CPT2: variants seen among roughly 807,000 people sequenced by gnomAD.
CPT2 encodes carnitine O-palmitoyltransferase 2, mitochondrial.
A neutral mutation model predicts 48.6 loss-of-function variants in CPT2; 37 were observed. The ratio of observed to expected loss-of-function variants is 0.76; its 90% CI spans 0.59 to 1.00. CPT2 has a LOEUF of 1.00. Among genes scored for constraint, CPT2 ranks in the 50% least tolerant of loss-of-function variants. The pLI, the probability that CPT2 is intolerant of heterozygous loss-of-function variation, is 0.00. For missense variants in CPT2, 772 were observed against 825.6 expected (o/e 0.94, Z 0.80); for synonymous variants, 319 against 326.9 (o/e 0.98, Z 0.26).
rs985990356 is a variant in CPT2 at position 53,209,358 on chromosome 1, T to TA, written c.341-645dup. The TA allele has an allele frequency of 5.4e-3, 775 of 143,056 alleles. 6 individuals are homozygous for TA. The highest frequency in any genetic ancestry group is 0.016 in the African/African-American group (620 of 38,638). The allele number at this position is 143,056 out of a possible 1,614,324, so 8.9% of individuals were successfully genotyped here. A position where few individuals can be genotyped will look rare whatever the true frequency, so the allele number is the denominator to read the frequency against. On this transcript the variant is annotated intron_variant, in intron 3 of 4. Coordinates refer to ENST00000371486, the MANE Select transcript of CPT2 (RefSeq NM_000098.3). Reference sequence around the variant, plus strand: ...TGGATGATAGAAATCCTGTGTCTCTTAAAAAAAAAAAAGGCAATGTAATTC... The same window carrying TA: ...TGGATGATAGAAATCCTGTGTCTCTTAAAAAAAAAAAAAGGCAATGTAATTC...
intron 3 of CPT2, 55 bp downstream of exon 3, chr1:53,202,484 G>A: frequency 7.2e-7 from 1 of 1,382,560 alleles, no homozygotes; most frequent in South Asian, 1.2e-5. Context: ...ATAATGAAAA[G>A]TAAGGCATAT....
At position 53,197,001 on chromosome 1, in the gene CPT2, G is replaced by T. The variant is rs1454666206; in HGVS notation, c.58G>T (p.Ala20Ser). ...CCGGGGCCCCGCGGTTGGTCCGGGA[G>T]CCCCCAGTCGGCCCCTCAGCGCCGG... Reference protein sequence around the residue: ...WPRGPAVGPGAPSRPLSAGSG... With the variant: ...WPRGPAVGPGSPSRPLSAGSG... The change falls in exon 1 of 5, where the codon GCC becomes TCC. Residue 20 changes from alanine to serine, a missense_variant. Ala to Ser is a moderately conservative substitution (Grantham distance 99, BLOSUM62 1). Coordinates refer to ENST00000371486, the MANE Select transcript of CPT2 (RefSeq NM_000098.3). The T allele has an allele frequency of 6.5e-7, 1 of 1,532,384 alleles. No individual in the cohort carries two copies. The highest frequency in any genetic ancestry group is 2.0e-5 in the Admixed American group (1 of 50,738). The allele number at this position is 1,532,384 out of a possible 1,614,324, so 94.9% of individuals were successfully genotyped here. A position where few individuals can be genotyped will look rare whatever the true frequency, so the allele number is the denominator to read the frequency against.
chr1:53,203,567 A>C (rs1191040523), intron 3 of CPT2: 1 of 152,200 alleles, frequency 6.6e-6, no homozygotes, highest in Non-Finnish European at 1.5e-5. Context: ...ACATGAAAGC[A>C]GATTGGACAT....
In CPT2 at chr1:53,210,515, A is replaced by G; in HGVS notation, c.841A>G (p.Ser281Gly). Residue 281 changes from serine (S) to glycine (G), a missense_variant, in exon 4 of 5, where the codon AGC becomes GGC. By Grantham distance (56) the Ser-to-Gly change is moderately conservative. Coordinates refer to ENST00000371486, the MANE Select transcript of CPT2 (RefSeq NM_000098.3). ...TCTGAAGTACATTCTCTCAGACAGC[A>G]GCCCCGCCCCCGAGTTTCCCCTGGC... ...AHLKYILSDSSPAPEFPLAYL... is the reference protein window; with the variant it reads ...AHLKYILSDSGPAPEFPLAYL... 6.2e-7 allele frequency: 1 copy of G among 1,614,124 alleles called. No individual in the cohort carries two copies. Among genetic ancestry groups the G allele is most frequent in the Non-Finnish European group, 8.5e-7 (1 of 1,180,030 alleles).
chr1:53,205,758 G>C, intron 3 of CPT2, among the ~76,000 whole-genome samples: 1 of 152,234 alleles, frequency 6.6e-6, no homozygotes, highest in South Asian at 2.1e-4. Flanking sequence ...AGGCACTCCA[G>C]CTCCAGCCAT....
At position 53,210,906 on chromosome 1, in the gene CPT2, C is replaced by T. The variant is rs375957043; in HGVS notation, c.1232C>T (p.Thr411Met). ...SQPATTDSTV[T>M]VQKLNFELTD... Reference sequence around the variant, plus strand: ...CCAGCTACCACTGACTCTACTGTCACGGTGCAGAAACTCAACTTCGAGCTG... The same window carrying T: ...CCAGCTACCACTGACTCTACTGTCATGGTGCAGAAACTCAACTTCGAGCTG... The change falls in exon 4 of 5, where the codon ACG becomes ATG. Residue 411 changes from threonine to methionine, a missense_variant. Physicochemically the swap from Thr to Met is moderately conservative, Grantham distance 81. Transcript: ENST00000371486. 1.2e-4 allele frequency: 199 copies of T among 1,614,094 alleles called. No homozygotes were observed. The highest frequency in any genetic ancestry group is 1.6e-4 in the Non-Finnish European group (190 of 1,180,040).
intron 3 of CPT2, among the ~76,000 whole-genome samples, chr1:53,204,956 C>G (rs1277728078): frequency 2.6e-5 from 4 of 152,122 alleles, no homozygotes; most frequent in Non-Finnish European, 5.9e-5. Flanking sequence ...TATAAATTAC[C>G]CAGTCTCAGG....
At chr1:53,205,156 G>T (rs1242320270) in intron 3 of CPT2, among the ~76,000 whole-genome samples, 1 of 152,184 alleles carries the variant, frequency 6.6e-6, no homozygotes, top group Non-Finnish European at 1.5e-5. Flanking sequence ...TTAGAGAGTT[G>T]AATGGTTTTG....
rs762495053 is a variant in CPT2 at position 53,213,486 on chromosome 1, G to A, written c.1868G>A (p.Cys623Tyr). The A allele has an allele frequency of 3.1e-6, 5 of 1,614,264 alleles. No individual in the cohort carries two copies. The highest frequency in any genetic ancestry group is 8.5e-7 in the Non-Finnish European group (1 of 1,180,042). ...GCTGTTCATGACAACTGGATAGGCT[G>A]CAATGTCTCTTCCTACCCAGGCCGC... The part of the protein sequence containing the change: ...GYAVHDNWIG[C>Y]NVSSYPGRNA... Residue 623 changes from cysteine (C) to tyrosine (Y), a missense_variant, in exon 5 of 5, where the codon TGC (cysteine) becomes TAC (tyrosine). Physicochemically the swap from Cys to Tyr is radical, Grantham distance 194. Coordinates refer to ENST00000371486, the MANE Select transcript of CPT2 (RefSeq NM_000098.3).
intron 3 of CPT2, among the ~76,000 whole-genome samples, chr1:53,205,639 G>T (rs2100265909): frequency 6.6e-6 from 1 of 152,360 alleles, no homozygotes; most frequent in Non-Finnish European, 1.5e-5. Context: ...GCATTTCAGA[G>T]ATCTTTACAG....
At position 53,211,272 on chromosome 1, in the gene CPT2, T is replaced by A. The variant is rs144703247; in HGVS notation, c.1598T>A (p.Val533Asp). The A allele has an allele frequency of 6.2e-7, 1 of 1,611,838 alleles. No individual in the cohort carries two copies. The highest frequency in any genetic ancestry group is 8.5e-7 in the Non-Finnish European group (1 of 1,179,046). Residue 533 changes from valine to aspartate, a missense_variant, in exon 4 of 5, where the codon GTT becomes GAT. By Grantham distance (152) the Val-to-Asp change is radical. Coordinates refer to ENST00000371486, the MANE Select transcript of CPT2 (RefSeq NM_000098.3). ...HSAGELQQMM[V>D]ECSKYHGQLT... Reference sequence around the variant, plus strand: ...GCTGGTGAGCTTCAGCAGATGATGGTTGAGTGCTCCAAGTACCATGGCCAG... The same window carrying A: ...GCTGGTGAGCTTCAGCAGATGATGGATGAGTGCTCCAAGTACCATGGCCAG...
intron 3 of CPT2, chr1:53,204,099 C>T (rs917700770): frequency 5.3e-5 from 8 of 152,126 alleles, no homozygotes; most frequent in African/African-American, 1.9e-4. Flanking sequence ...ATGTGTTGGG[C>T]CACTCTGTGA....
Position 53,211,042 on chromosome 1 carries a change from G to A in CPT2, c.1368G>A (p.Leu456=), listed in dbSNP as rs746683786. Reference sequence around the variant, plus strand: ...TTCAGAGAGGAGGCAAAGAATTCCTGAAGAAGCAAAAGCTGAGCCCTGACG... The same window carrying A: ...TTCAGAGAGGAGGCAAAGAATTCCTAAAGAAGCAAAAGCTGAGCCCTGACG... ...VQFQRGGKEF[L]KKQKLSPDAV... Residue 456 remains leucine, a synonymous_variant, in exon 4 of 5, where the codon CTG becomes CTA. Transcript: ENST00000371486. 3 of 1,614,196 alleles carry A rather than the reference G, an allele frequency of 1.9e-6. No individual in the cohort carries two copies. In the Admixed American group the frequency reaches 5.0e-5, roughly 27 times the overall value.
chr1:53,206,936 C>T (rs920144332), intron 3 of CPT2, among the ~76,000 whole-genome samples: 2 of 152,188 alleles, frequency 1.3e-5, no homozygotes, highest in South Asian at 2.1e-4. Flanking sequence ...TGGTTTGGCT[C>T]TGTGTCTCCA....
At position 53,211,189 on chromosome 1, in the gene CPT2, C is replaced by T. The variant is rs2100274663; in HGVS notation, c.1515C>T (p.Ala505=). The T allele has an allele frequency of 3.1e-6, 5 of 1,608,696 alleles. No homozygotes were observed. Among genetic ancestry groups the T allele is most frequent in the Non-Finnish European group, 4.3e-6 (5 of 1,176,314 alleles). ...GCCGCACTGAGACCATCCGCCCGGC[C>T]TCCGTCTATACAAAGAGGTGCTCTG... ...KHGRTETIRP[A]SVYTKRCSEA... is the part of the protein sequence containing the mutation. The change falls in exon 4 of 5, where the codon GCC becomes GCT. Residue 505 remains alanine, a synonymous_variant. Transcript: ENST00000371486.
In CPT2 at chr1:53,211,088, C is replaced by T. The variant is rs754386565; in HGVS notation, c.1414C>T (p.Gln472Ter). 9 of 1,614,144 alleles carry T rather than the reference C, an allele frequency of 5.6e-6. No individual in the cohort carries two copies. The highest frequency in any genetic ancestry group is 5.1e-6 in the Non-Finnish European group (6 of 1,180,006). Residue 472 changes from glutamine (Q) to a stop codon, truncating the protein, a stop_gained, in exon 4 of 5, where the codon CAG (glutamine) becomes TAG (stop). Transcript: ENST00000371486. LOFTEE classifies it high-confidence loss of function. Reference protein sequence around the residue: ...SPDAVAQLAFQMAFLRQYGQT... With the variant: ...SPDAVAQLAF The stretch of plus-strand genomic sequence containing the variant: ...TGACGCAGTTGCCCAGCTGGCATTC[C>T]AGATGGCCTTCCTGCGGCAGTACGG...
rs1645348876 is a variant in CPT2 at position 53,200,644 on chromosome 1, A to C, written c.153-75A>C. The C allele has an allele frequency of 1.3e-5, 14 of 1,089,902 alleles. No homozygotes were observed. In the South Asian group the frequency reaches 1.7e-4, roughly 14 times the overall value. 67.5% of individuals were successfully genotyped at this position (1,089,902 alleles called of 1,614,324 possible). A position where few individuals can be genotyped will look rare whatever the true frequency, so the allele number is the denominator to read the frequency against. ...GGAGGAAATTAATGATCTAGTAATC[A>C]GTTCATTAGCTTGTAAAGCTAATTA... On this transcript the variant is annotated intron_variant, in intron 1 of 4. Transcript: ENST00000371486.
In CPT2 at chr1:53,202,418, G is replaced by C; in HGVS notation, c.329G>C (p.Ser110Thr). The C allele has an allele frequency of 6.2e-7, 1 of 1,613,700 alleles. No individual in the cohort carries two copies. The highest frequency in any genetic ancestry group is 8.5e-7 in the Non-Finnish European group (1 of 1,179,602). ...CTGGACAAACAGAATAAACATACAA[G>C]CTACATTTCGGGTAGGTAGGCTGGG... is the stretch of plus-strand genomic sequence containing the variant. ...VALDKQNKHT[S>T]YISGPWFDMY... Residue 110 changes from serine (S) to threonine (T), a missense_variant, in exon 3 of 5, where the codon AGC becomes ACC. Coordinates refer to ENST00000371486, the MANE Select transcript of CPT2 (RefSeq NM_000098.3).
chr1:53,206,884 T>C (rs1436175907), intron 3 of CPT2, among the ~76,000 whole-genome samples: 1 of 152,186 alleles, frequency 6.6e-6, no homozygotes, highest in Non-Finnish European at 1.5e-5. Context: ...TTTGAAATGT[T>C]AGAAGTACAT....
Sources: allele counts gnomAD v4.1 joint callset (sites outside exome capture counted in the v4.1 genomes callset), GRCh38; gene constraint gnomAD v4.1.1; transcripts MANE v1.5; gene names NCBI Gene and HGNC (gene_info 2026-07-23, HGNC 2026-07-21).